CDH12: variants seen among roughly 807,000 people sequenced by gnomAD.
CDH12 encodes cadherin-12.
CDH12 carries 41 observed loss-of-function variants against 74.1 expected under a neutral mutation model. The observed-to-expected ratio is 0.55, with a 90% CI of 0.43 to 0.72. CDH12 has a LOEUF of 0.72. Ranked by LOEUF, CDH12 falls within the 30% of genes least tolerant of loss-of-function variation. The pLI is 0.00. For synonymous variants in CDH12, 399 were observed against 355.0 expected (o/e 1.12, Z -1.39); for missense variants, 945 against 977.2 (o/e 0.97, Z 0.44).
At chr5:22,837,662 T>C (rs1304365365) in intron 1 of CDH12, among the ~76,000 whole-genome samples, 2 of 152,174 alleles carry the variant, frequency 1.3e-5, no homozygotes, top group Non-Finnish European at 2.9e-5. Context: ...GTGTTGAACA[T>C]TTTATGACAT....
intron 11 of CDH12, among the ~76,000 whole-genome samples, chr5:21,777,532 T>G (rs910363293): frequency 1.2e-4 from 18 of 152,178 alleles, no homozygotes; most frequent in African/African-American, 4.3e-4. Flanking sequence ...TAACATTTTT[T>G]TTTTTTTTGA....
chr5:21,900,744 C>A (rs1753347946), intron 6 of CDH12, among the ~76,000 whole-genome samples: 1 of 152,156 alleles, frequency 6.6e-6, no homozygotes, highest in African/African-American at 2.4e-5. Flanking sequence ...AATTGCAGCA[C>A]AATTCAAGAG....
At chr5:21,760,030 G>A (rs1744627692) in intron 13 of CDH12, among the ~76,000 whole-genome samples, 1 of 151,952 alleles carries the variant, frequency 6.6e-6, no homozygotes, top group African/African-American at 2.4e-5. Context: ...TCTTTCTTAC[G>A]GCTGCATAGC....
intron 6 of CDH12, among the ~76,000 whole-genome samples, chr5:21,945,509 TTAAA>T (rs1755539298): frequency 3.4e-5 from 5 of 148,214 alleles, no homozygotes; most frequent in South Asian, 4.3e-4. Context: ...ATAAAAGTGT[TTAAA>T]TAAGCAATTA....
chr5:22,371,167 AT>A (rs1741271169), intron 3 of CDH12, among the ~76,000 whole-genome samples: 1 of 152,116 alleles, frequency 6.6e-6, no homozygotes, highest in Admixed American at 6.6e-5. Context: ...TTTCTGGAAA[AT>A]TTAGTAACTG....
At chr5:22,721,768 C>T (rs1054985838) in intron 1 of CDH12, among the ~76,000 whole-genome samples, 4 of 152,052 alleles carry the variant, frequency 2.6e-5, no homozygotes, top group African/African-American at 9.7e-5. Flanking sequence ...CAGCTTTTTC[C>T]AATGCTGTTG....
At chr5:22,392,777 G>A (rs1742297814) in intron 3 of CDH12, among the ~76,000 whole-genome samples, 1 of 152,166 alleles carries the variant, frequency 6.6e-6, no homozygotes, top group Non-Finnish European at 1.5e-5. Context: ...CAGAAGATGT[G>A]ATGCCGACAT....
intron 5 of CDH12, among the ~76,000 whole-genome samples, chr5:22,002,800 T>C (rs2150145272): frequency 6.6e-6 from 1 of 151,836 alleles, no homozygotes; most frequent in Non-Finnish European, 1.5e-5. Context: ...CACAGCAATA[T>C]GGAAAAAAAA....
intron 1 of CDH12, among the ~76,000 whole-genome samples, chr5:22,752,105 T>C (rs1324343276): frequency 6.6e-6 from 1 of 152,192 alleles, no homozygotes; most frequent in African/African-American, 2.4e-5. Context: ...ATGTATTATA[T>C]TACTCCAACA....
intron 1 of CDH12, among the ~76,000 whole-genome samples, chr5:22,611,119 T>A (rs751468831): frequency 6.6e-6 from 1 of 152,184 alleles, no homozygotes; most frequent in African/African-American, 2.4e-5. Context: ...TGAAAACCTA[T>A]ATTTTTATCC....
At chr5:21,776,954 A>AT (rs1275946022) in intron 11 of CDH12, among the ~76,000 whole-genome samples, 1 of 152,138 alleles carries the variant, frequency 6.6e-6, no homozygotes, top group Non-Finnish European at 1.5e-5. Context: ...ATGAGGCTGT[A>AT]TTTTTTCAAT....
At chr5:21,782,640 G>A (rs746766123) in intron 11 of CDH12, among the ~76,000 whole-genome samples, 1 of 152,138 alleles carries the variant, frequency 6.6e-6, no homozygotes, top group Non-Finnish European at 1.5e-5. Flanking sequence ...GGAATGGGGA[G>A]CTGCACTTTT....
intron 3 of CDH12, among the ~76,000 whole-genome samples, chr5:22,253,605 C>T (rs1433382442): frequency 6.6e-6 from 1 of 151,678 alleles, no homozygotes; most frequent in South Asian, 2.1e-4. Context: ...CTCTGATTTC[C>T]GAAGTATTGA....
At chr5:22,569,488 T>C (rs929613860) in intron 1 of CDH12, among the ~76,000 whole-genome samples, 3 of 152,168 alleles carry the variant, frequency 2.0e-5, no homozygotes, top group Non-Finnish European at 4.4e-5. Flanking sequence ...CCTCTTTTCA[T>C]TATAAGTTAC....
At chr5:21,790,301 T>A (rs1746418744) in intron 10 of CDH12, among the ~76,000 whole-genome samples, 1 of 152,140 alleles carries the variant, frequency 6.6e-6, no homozygotes, top group African/African-American at 2.4e-5. Flanking sequence ...AAGACTTACA[T>A]AATATATACA....
intron 4 of CDH12, among the ~76,000 whole-genome samples, chr5:22,099,565 G>A (rs1338926101): frequency 1.3e-5 from 2 of 152,028 alleles, no homozygotes; most frequent in African/African-American, 4.8e-5. Context: ...TGTGCCCCAA[G>A]AAACTTGTCA....
chr5:22,230,519 T>G lies in CDH12; in HGVS notation c.-332-17876A>C, dbSNP rs146421349. Among the ~76,000 whole-genome samples the G allele has an allele frequency of 1.4e-3, 210 of 150,218 alleles. 1 individual carries two copies. Among genetic ancestry groups the G allele is most frequent in the African/African-American group, 5.0e-3 (203 of 40,788 alleles). On this transcript the variant is annotated intron_variant, in intron 3 of 14. Transcript: ENST00000382254. Reference sequence around the variant, plus strand: ...CAGAGTCTCTCTCTGTTGCCCAGGCTGGAGTGCAGTGGCATGATCTTGACT... The same window carrying G: ...CAGAGTCTCTCTCTGTTGCCCAGGCGGGAGTGCAGTGGCATGATCTTGACT...
At chr5:22,561,782 T>C (rs556870749) in intron 1 of CDH12, among the ~76,000 whole-genome samples, 37 of 152,298 alleles carry the variant, frequency 2.4e-4, no homozygotes, top group Non-Finnish European at 4.7e-4. Context: ...GTTAGCAGTC[T>C]GTCAAGTACT....
At chr5:22,033,342 C>A (rs1738955414) in intron 5 of CDH12, among the ~76,000 whole-genome samples, 1 of 152,166 alleles carries the variant, frequency 6.6e-6, no homozygotes, top group Admixed American at 6.5e-5. Context: ...TGAATTTTTT[C>A]ACAGCAATTA....
Sources: gnomAD v4.1 joint callset for allele counts (sites outside exome capture counted in the v4.1 genomes callset) on GRCh38, gnomAD v4.1.1 for gene constraint, MANE v1.5 for transcripts, NCBI Gene and HGNC (gene_info 2026-07-23, HGNC 2026-07-21) for gene names.